The following PIP4K2A variants were observed in gnomAD, a reference collection of about 807,000 sequenced individuals.
PIP4K2A encodes the protein phosphatidylinositol 5-phosphate 4-kinase type-2 alpha.
In PIP4K2A, 14 loss-of-function variants were observed where a neutral mutation model predicts 42.9. The ratio of observed to expected loss-of-function variants is 0.33; its 90% CI spans 0.22 to 0.51. The LOEUF (loss-of-function observed/expected upper bound fraction) is 0.51. Ranked by LOEUF, PIP4K2A falls within the 20% of genes least tolerant of loss-of-function variation. PIP4K2A has a pLI of 0.97. For synonymous variants in PIP4K2A, 192 were observed against 192.2 expected (o/e 1.00, Z 0.01); for missense variants, 434 against 519.8 (o/e 0.83, Z 1.61).
intron 1 of PIP4K2A, among the ~76,000 whole-genome samples, chr10:22,620,810 C>T (rs768933848): frequency 1.3e-5 from 2 of 152,238 alleles, no homozygotes; most frequent in African/African-American, 4.8e-5. Flanking sequence ...GGTGCCTGCA[C>T]TTGGGAGACA....
intron 5 of PIP4K2A, 42 bp downstream of exon 5, chr10:22,573,269 A>G (rs1169754299): frequency 1.3e-6 from 2 of 1,564,576 alleles, no homozygotes; most frequent in Non-Finnish European, 1.8e-6. Flanking sequence ...GTAGAAGAGT[A>G]AGCTTGAGTT....
intron 6 of PIP4K2A, among the ~76,000 whole-genome samples, chr10:22,554,983 G>T (rs2130767953): frequency 6.6e-6 from 1 of 152,314 alleles, no homozygotes; most frequent in East Asian, 1.9e-4. Flanking sequence ...GCTGCGGTGG[G>T]TTGGATTCCA....
intron 1 of PIP4K2A, among the ~76,000 whole-genome samples, chr10:22,634,732 A>T (rs1007586126): frequency 1.3e-5 from 2 of 152,068 alleles, no homozygotes; most frequent in African/African-American, 4.8e-5. Context: ...ATTTTTTTTA[A>T]TCTATAGAGA....
At chr10:22,677,368 G>T (rs1164302626) in intron 1 of PIP4K2A, among the ~76,000 whole-genome samples, 1 of 152,168 alleles carries the variant, frequency 6.6e-6, no homozygotes, top group Non-Finnish European at 1.5e-5. Context: ...GAAAGGAGGG[G>T]CTTACACAGA....
chr10:22,536,391 T>C lies in PIP4K2A; in HGVS notation c.*810A>G. 3.0e-6 allele frequency: 1 copy of C among 329,848 alleles called. No individual in the cohort carries two copies. Among genetic ancestry groups the C allele is most frequent in the East Asian group, 4.4e-5 (1 of 22,722 alleles). 20.4% of individuals were successfully genotyped at this position (329,848 alleles called of 1,614,324 possible). ...GGCAAGAAAAGAGAAGTAAGCAGTT[T>C]TCCTGGACATATTGGCCGAGGTGAA... is the stretch of plus-strand genomic sequence containing the variant. On this transcript the variant is annotated 3_prime_UTR_variant, in exon 10 of 10. Transcript: ENST00000376573.
intron 2 of PIP4K2A, among the ~76,000 whole-genome samples, 162 bp downstream of exon 2, chr10:22,609,458 T>C (rs891115978): frequency 6.6e-6 from 1 of 152,226 alleles, no homozygotes; most frequent in Admixed American, 6.5e-5. Flanking sequence ...GAGCCTGCTG[T>C]TGCTTCTCTA....
intron 1 of PIP4K2A, among the ~76,000 whole-genome samples, chr10:22,625,739 G>T (rs1588671959): frequency 6.6e-6 from 1 of 152,218 alleles, no homozygotes; most frequent in Admixed American, 6.5e-5. Flanking sequence ...CCAGAGGCAG[G>T]AGGCAGGGCC....
At chr10:22,694,942 G>T (rs1839940426) in intron 1 of PIP4K2A, among the ~76,000 whole-genome samples, 1 of 152,186 alleles carries the variant, frequency 6.6e-6, no homozygotes, top group Non-Finnish European at 1.5e-5. Flanking sequence ...CTGGTGGACA[G>T]TGTGAAAATG....
intron 4 of PIP4K2A, among the ~76,000 whole-genome samples, chr10:22,581,035 G>A (rs1588640558): frequency 6.6e-6 from 1 of 152,334 alleles, no homozygotes. Context: ...TCCCGTGTGT[G>A]GCTCAGAAAT....
At position 22,639,962 on chromosome 10, in the gene PIP4K2A, G is replaced by A. The variant is rs186643367; in HGVS notation, c.145-30245C>T. Among the ~76,000 whole-genome samples the A allele has an allele frequency of 4.7e-5, 7 of 149,942 alleles. No homozygotes were observed. The East Asian group carries it at 1.4e-3, about 29-fold the overall frequency. ...ATTTGCAAACTTAATTAAAACTGGC[G>A]GTTTACCAAGAAGAATCAAATATCA... On this transcript the variant is annotated intron_variant, in intron 1 of 9. Transcript: ENST00000376573.
chr10:22,644,426 G>C (rs1054859660), intron 1 of PIP4K2A, among the ~76,000 whole-genome samples: 2 of 152,200 alleles, frequency 1.3e-5, no homozygotes, highest in African/African-American at 4.8e-5. Flanking sequence ...ATCCTATGCA[G>C]AACATCAAGC....
intron 1 of PIP4K2A, among the ~76,000 whole-genome samples, chr10:22,626,457 T>G (rs1310593129): frequency 6.6e-6 from 1 of 152,236 alleles, no homozygotes; most frequent in African/African-American, 2.4e-5. Context: ...AAAGCTATTG[T>G]ATTCAGAACA....
chr10:22,610,697 C>A (rs1159001675), intron 1 of PIP4K2A, among the ~76,000 whole-genome samples: 3 of 152,054 alleles, frequency 2.0e-5, no homozygotes, highest in Non-Finnish European at 2.9e-5. Context: ...ATTAAGCAAG[C>A]CTGAAAGGAG....
intron 1 of PIP4K2A, among the ~76,000 whole-genome samples, chr10:22,669,622 G>A (rs913543115): frequency 2.0e-5 from 3 of 152,288 alleles, no homozygotes; most frequent in South Asian, 4.1e-4. Flanking sequence ...TATGGACACC[G>A]GGTTTATTGC....
chr10:22,704,607 T>G (rs1314093178), intron 1 of PIP4K2A, among the ~76,000 whole-genome samples: 1 of 141,682 alleles, frequency 7.1e-6, no homozygotes, highest in Non-Finnish European at 1.5e-5. Context: ...GAGCCATGAT[T>G]GCACCATGCA....
At chr10:22,681,940 C>T (rs1461974073) in intron 1 of PIP4K2A, among the ~76,000 whole-genome samples, 5 of 152,082 alleles carry the variant, frequency 3.3e-5, no homozygotes, top group Non-Finnish European at 5.9e-5. Flanking sequence ...TATCTACAGA[C>T]ACTGAAATTT....
chr10:22,567,482 GA>G, intron 6 of PIP4K2A: 1 of 449,006 alleles, frequency 2.2e-6, no homozygotes, highest in Non-Finnish European at 4.2e-6. Flanking sequence ...CATTCGGTTT[GA>G]TATCGGTGAA....
chr10:22,544,143 T>C (rs1836201259), intron 7 of PIP4K2A, among the ~76,000 whole-genome samples: 2 of 152,166 alleles, frequency 1.3e-5, no homozygotes, highest in Non-Finnish European at 2.9e-5. Context: ...CACACATGAC[T>C]CTGCGCTGTG....
intron 1 of PIP4K2A, among the ~76,000 whole-genome samples, chr10:22,707,218 T>A (rs1033069197): frequency 7.9e-5 from 12 of 152,216 alleles, no homozygotes; most frequent in African/African-American, 2.9e-4. Flanking sequence ...TTAATCCATA[T>A]AACAAACTTC....
Sources: gnomAD v4.1 joint callset for allele counts (sites outside exome capture counted in the v4.1 genomes callset) on GRCh38, gnomAD v4.1.1 for gene constraint, MANE v1.5 for transcripts, NCBI Gene and HGNC (gene_info 2026-07-23, HGNC 2026-07-21) for gene names.